ST3GAL2: variants seen among roughly 807,000 people sequenced by gnomAD.
The protein encoded by ST3GAL2 is ST3 beta-galactoside alpha-2,3-sialyltransferase 2, also known as CMP-N-acetylneuraminate-beta-galactosamide-alpha-2,3-sialyltransferase 2.
ST3GAL2 carries 16 observed loss-of-function variants against 37.5 expected under a neutral mutation model. That is an observed-to-expected ratio of 0.43 (90% CI 0.29 to 0.65). ST3GAL2 has a LOEUF of 0.65. Ranked by LOEUF, ST3GAL2 falls within the 30% of genes least tolerant of loss-of-function variation. The pLI, the probability that ST3GAL2 is intolerant of heterozygous loss-of-function variation, is 0.17. For synonymous variants in ST3GAL2, 238 were observed against 202.9 expected (o/e 1.17, Z -1.47); for missense variants, 383 against 487.8 (o/e 0.79, Z 2.02).
At chr16:70,431,854 C>T (rs1396587311) in intron 1 of ST3GAL2, among the ~76,000 whole-genome samples, 1 of 151,792 alleles carries the variant, frequency 6.6e-6, no homozygotes, top group Non-Finnish European at 1.5e-5. Flanking sequence ...GTCCCAGCTA[C>T]TCGGGAGGCT....
At chr16:70,388,127 A>C (rs1414684082) in intron 4 of ST3GAL2, among the ~76,000 whole-genome samples, 2 of 151,734 alleles carry the variant, frequency 1.3e-5, no homozygotes, top group South Asian at 2.1e-4. Flanking sequence ...AAAAAAAAAA[A>C]ACAAACAAAA....
chr16:70,404,562 C>T (rs531303348), intron 1 of ST3GAL2, among the ~76,000 whole-genome samples: 4 of 152,224 alleles, frequency 2.6e-5, no homozygotes, highest in Admixed American at 2.0e-4. Context: ...TTAGTGAGGA[C>T]GCAGAGACAT....
Position 70,381,595 on chromosome 16 carries a change from G to A in ST3GAL2, c.*94C>T, listed in dbSNP as rs2047405346. 6 of 1,469,340 alleles carry A rather than the reference G, an allele frequency of 4.1e-6. No individual in the cohort carries two copies. Among genetic ancestry groups the A allele is most frequent in the East Asian group, 2.4e-5 (1 of 41,920 alleles). 91.0% of individuals were successfully genotyped at this position (1,469,340 alleles called of 1,614,324 possible). ...GGGGCACAGCAGACGCCCCTGGGCT[G>A]CAGCATGATTGGTCGCGGGTTGCTG... On this transcript the variant is annotated 3_prime_UTR_variant, in exon 7 of 7. Transcript: ENST00000342907.
At chr16:70,388,027 G>A (rs772982578) in intron 4 of ST3GAL2, among the ~76,000 whole-genome samples, 3 of 151,256 alleles carry the variant, frequency 2.0e-5, no homozygotes, top group Admixed American at 6.6e-5. Context: ...CAAGAGAATC[G>A]CTTGAACCCG....
At chr16:70,417,125 G>T (rs529015732) in intron 1 of ST3GAL2, among the ~76,000 whole-genome samples, 1 of 152,190 alleles carries the variant, frequency 6.6e-6, no homozygotes, top group African/African-American at 2.4e-5. Context: ...CACCCATCTC[G>T]AAGGGGTTCC....
chr16:70,398,753 C>T lies in ST3GAL2; in HGVS notation c.-223G>A. The T allele has an allele frequency of 6.7e-6, 4 of 596,330 alleles. No individual in the cohort carries two copies. In the South Asian group the frequency reaches 8.2e-5, roughly 12 times the overall value. The allele number at this position is 596,330 out of a possible 1,614,324, so 36.9% of individuals were successfully genotyped here. The stretch of plus-strand genomic sequence containing the variant: ...TCCTGTCCCTGAGTCAGGCGGGGCC[C>T]CTGCTTAGGGCTTCATCGGGTCTCT... On this transcript the variant is annotated 5_prime_UTR_variant, in exon 2 of 7. Coordinates refer to ENST00000342907, the MANE Select transcript of ST3GAL2 (RefSeq NM_006927.4).
intron 3 of ST3GAL2, 126 bp from the exon 4 acceptor site, chr16:70,388,672 T>A: frequency 9.6e-7 from 1 of 1,039,544 alleles, no homozygotes; most frequent in Non-Finnish European, 1.4e-6. Context: ...AGCAATTCCA[T>A]TGCTAGAAAT....
intron 1 of ST3GAL2, among the ~76,000 whole-genome samples, chr16:70,412,893 T>TA (rs1271569698): frequency 6.6e-6 from 1 of 151,296 alleles, no homozygotes; most frequent in African/African-American, 2.4e-5. Context: ...TAATAAAAAA[T>TA]AAAAAAATTA....
intron 1 of ST3GAL2, among the ~76,000 whole-genome samples, chr16:70,403,243 G>C (rs1330940206): frequency 6.6e-6 from 1 of 152,140 alleles, no homozygotes; most frequent in Non-Finnish European, 1.5e-5. Flanking sequence ...GAGGGGAGCA[G>C]GGTGGGAAGA....
rs2047406307 is a variant in ST3GAL2, at chr16:70,381,667, A to C, written c.*22T>G. On this transcript the variant is annotated 3_prime_UTR_variant, in exon 7 of 7. Coordinates refer to ENST00000342907, the MANE Select transcript of ST3GAL2 (RefSeq NM_006927.4). Reference sequence around the variant, plus strand: ...CCCCGGTGCCCGATAGATGGGCCGGAAGGGTCGCGGCGAGGCCCGGCTCAG... The same window carrying C: ...CCCCGGTGCCCGATAGATGGGCCGGCAGGGTCGCGGCGAGGCCCGGCTCAG... The C allele has an allele frequency of 6.2e-7, 1 of 1,609,952 alleles. No individual in the cohort carries two copies. Among genetic ancestry groups the C allele is most frequent in the Non-Finnish European group, 8.5e-7 (1 of 1,178,258 alleles).
At chr16:70,424,937 C>A (rs928141602) in intron 1 of ST3GAL2, among the ~76,000 whole-genome samples, 1 of 152,172 alleles carries the variant, frequency 6.6e-6, no homozygotes, top group Non-Finnish European at 1.5e-5. Context: ...AAACCTGGAC[C>A]AGGCACTGTG....
chr16:70,430,078 A>G (rs916473998), intron 1 of ST3GAL2, among the ~76,000 whole-genome samples: 1 of 152,172 alleles, frequency 6.6e-6, no homozygotes, highest in South Asian at 2.1e-4. Flanking sequence ...AGGACAGCCA[A>G]ACAGACCTGC....
Position 70,399,537 on chromosome 16 carries a change from G to A in ST3GAL2, c.-1003-4C>T, listed in dbSNP as rs554018893. ...GCCAGGCTGCCGCAGCACGACCCTA[G>A]AATGGCAGAGAGGAGAAATAATGTG... On this transcript the variant is annotated splice_region_variant and splice_polypyrimidine_tract_variant and intron_variant, in intron 1 of 6. Coordinates refer to ENST00000342907, the MANE Select transcript of ST3GAL2 (RefSeq NM_006927.4). 9.6e-5 allele frequency: 38 copies of A among 397,874 alleles called. No individual in the cohort carries two copies. The highest frequency in any genetic ancestry group is 3.1e-4 in the Admixed American group (7 of 22,708). 24.6% of individuals were successfully genotyped at this position (397,874 alleles called of 1,614,324 possible). A position where few individuals can be genotyped will look rare whatever the true frequency, so the allele number is the denominator to read the frequency against.
At chr16:70,407,410 G>A (rs533296428) in intron 1 of ST3GAL2, among the ~76,000 whole-genome samples, 1 of 152,314 alleles carries the variant, frequency 6.6e-6, no homozygotes, top group South Asian at 2.1e-4. Flanking sequence ...CCAGGTGCTG[G>A]AATTACAGGT....
At chr16:70,407,529 G>A (rs1302303638) in intron 1 of ST3GAL2, among the ~76,000 whole-genome samples, 3 of 152,196 alleles carry the variant, frequency 2.0e-5, no homozygotes, top group African/African-American at 7.2e-5. Flanking sequence ...GCTGGTCCAT[G>A]TCCAAGTTGC....
chr16:70,418,856 A>G (rs945594615), intron 1 of ST3GAL2, among the ~76,000 whole-genome samples: 3 of 152,134 alleles, frequency 2.0e-5, no homozygotes, highest in Non-Finnish European at 4.4e-5. Context: ...TCCCCCACCC[A>G]CGCACCTGGG....
At chr16:70,383,119 G>A in intron 5 of ST3GAL2, 71 bp downstream of exon 5, 1 of 1,595,182 alleles carries the variant, frequency 6.3e-7, no homozygotes, top group Non-Finnish European at 8.6e-7. Flanking sequence ...GAACACCTGA[G>A]CTACAGGACC....
intron 1 of ST3GAL2, among the ~76,000 whole-genome samples, chr16:70,431,358 G>A (rs935591720): frequency 6.6e-6 from 1 of 152,236 alleles, no homozygotes; most frequent in African/African-American, 2.4e-5. Flanking sequence ...TGCCCGCAGG[G>A]CTAGGACTGC....
rs372405044 is a variant in ST3GAL2, at chr16:70,412,997, C to A, written c.-1003-13464G>T. On this transcript the variant is annotated intron_variant, in intron 1 of 6. Coordinates refer to ENST00000342907, the MANE Select transcript of ST3GAL2 (RefSeq NM_006927.4). ...GGCACGGTGGCACACACCTGTAATC[C>A]CAGTACTTTGGGAGGCGGAGGCAGG... 6.0e-4 allele frequency among the ~76,000 whole-genome samples: 92 copies of A among 152,266 alleles called. 1 individual carries two copies. The East Asian group carries it at 0.012, about 20-fold the overall frequency.
Sources: allele counts gnomAD v4.1 joint callset (sites outside exome capture counted in the v4.1 genomes callset), GRCh38; gene constraint gnomAD v4.1.1; transcripts MANE v1.5; gene names NCBI Gene and HGNC (gene_info 2026-07-23, HGNC 2026-07-21).